Variants in TRIM71 observed in about 807,000 individuals in gnomAD.
TRIM71 encodes the protein tripartite motif containing 71.
TRIM71 carries 9 observed loss-of-function variants against 61.2 expected under a neutral mutation model. The observed-to-expected ratio is 0.15, with a 90% CI of 0.09 to 0.26. The LOEUF (loss-of-function observed/expected upper bound fraction) is 0.26. TRIM71 is among the 10% of genes least tolerant of loss of function. The pLI is 1.00. For missense variants in TRIM71, 998 were observed against 1,238.7 expected (o/e 0.81, Z 2.92); for synonymous variants, 645 against 553.2 (o/e 1.17, Z -2.33).
At position 32,872,071 on chromosome 3, in the gene TRIM71, C is replaced by T. The variant is rs539284850; in HGVS notation, c.853-1747C>T. ...CTAAGGCAGGAGAATGGCATGAACT[C>T]GGGAGGCAGAGCTTGCAGTGAGCCG... On this transcript the variant is annotated intron_variant, in intron 1 of 3. Coordinates refer to ENST00000383763, the MANE Select transcript of TRIM71 (RefSeq NM_001039111.3). 5.9e-5 allele frequency among the ~76,000 whole-genome samples: 9 copies of T among 152,182 alleles called. No individual in the cohort carries two copies. The South Asian group carries it at 1.2e-3, about 21-fold the overall frequency.
At chr3:32,827,795 G>C (rs1696221612) in intron 1 of TRIM71, among the ~76,000 whole-genome samples, 1 of 152,156 alleles carries the variant, frequency 6.6e-6, no homozygotes, top group Non-Finnish European at 1.5e-5. Context: ...AGGCGCCTCT[G>C]AGAATGAGAG....
At chr3:32,875,566 C>T (rs1293998965) in intron 2 of TRIM71, among the ~76,000 whole-genome samples, 1 of 152,202 alleles carries the variant, frequency 6.6e-6, no homozygotes, top group Non-Finnish European at 1.5e-5. Flanking sequence ...TGGCCAGGTT[C>T]AGTGGCTCAC....
Position 32,890,950 on chromosome 3 carries a change from A to G in TRIM71, c.1746A>G (p.Ser582=), listed in dbSNP as rs1227866648. ...ENSPFKVVVK[S]GRSYVGIGLP... The stretch of plus-strand genomic sequence containing the variant: ...GCCCTTTCAAGGTGGTGGTCAAGTC[A>G]GGCCGCAGCTACGTGGGCATTGGGC... The change falls in exon 4 of 4, where the codon TCA becomes TCG. Residue 582 remains serine (S), a synonymous_variant. Coordinates refer to ENST00000383763, the MANE Select transcript of TRIM71 (RefSeq NM_001039111.3). This position sits in a 1 kb window ranked among gnomAD's most constrained non-coding sequence, Gnocchi z 6.2. The G allele has an allele frequency of 6.2e-7, 1 of 1,614,188 alleles. No homozygotes were observed. The highest frequency in any genetic ancestry group is 2.2e-5 in the East Asian group (1 of 44,874).
intron 2 of TRIM71, among the ~76,000 whole-genome samples, chr3:32,874,367 T>TACA (rs1553646510): frequency 0.11 from 12,328 of 110,386 alleles, 559 homozygotes; most frequent in Middle Eastern, 0.18. Flanking sequence ...CTACTACTAC[T>TACA]ACAACATATT....
intron 2 of TRIM71, among the ~76,000 whole-genome samples, chr3:32,884,426 A>G (rs933131434): frequency 1.3e-5 from 2 of 151,948 alleles, no homozygotes; most frequent in Admixed American, 1.3e-4. Context: ...GGCCAGGCGC[A>G]GTGGCTCATG....
chr3:32,879,754 C>T (rs2125690563), intron 2 of TRIM71, among the ~76,000 whole-genome samples: 1 of 151,474 alleles, frequency 6.6e-6, no homozygotes, highest in South Asian at 2.1e-4. Context: ...GGGAGGATCA[C>T]TTGAGCTCAG....
At chr3:32,867,447 G>A (rs1319851818) in intron 1 of TRIM71, among the ~76,000 whole-genome samples, 1 of 152,100 alleles carries the variant, frequency 6.6e-6, no homozygotes, top group African/African-American at 2.4e-5. Flanking sequence ...GTGTATGTGT[G>A]TATATATACA....
intron 1 of TRIM71, among the ~76,000 whole-genome samples, chr3:32,855,140 A>G (rs1172067147): frequency 6.6e-6 from 1 of 152,240 alleles, no homozygotes; most frequent in African/African-American, 2.4e-5. Flanking sequence ...AGGGTTTGGT[A>G]CTATCCGTGC....
intron 1 of TRIM71, among the ~76,000 whole-genome samples, chr3:32,858,529 ATGGAGT>A (rs963548853): frequency 1.3e-5 from 2 of 152,162 alleles, no homozygotes; most frequent in Admixed American, 1.3e-4. Flanking sequence ...TCTAAAACAG[ATGGAGT>A]TGGAGGCCCA....
chr3:32,882,706 C>G (rs1325000017), intron 2 of TRIM71, among the ~76,000 whole-genome samples: 1 of 152,090 alleles, frequency 6.6e-6, no homozygotes, highest in African/African-American at 2.4e-5. Context: ...GCCACCATGC[C>G]TGGCTAATTT....
chr3:32,846,414 G>A (rs1306956515), intron 1 of TRIM71, among the ~76,000 whole-genome samples: 1 of 152,132 alleles, frequency 6.6e-6, no homozygotes, highest in Non-Finnish European at 1.5e-5. Context: ...AACTGTATAT[G>A]TTTAGGGGGT....
intron 1 of TRIM71, among the ~76,000 whole-genome samples, chr3:32,844,580 A>G (rs1380687736): frequency 6.6e-6 from 1 of 152,112 alleles, no homozygotes; most frequent in Non-Finnish European, 1.5e-5. Flanking sequence ...AAAATTTTGT[A>G]GAGAGCGTCT....
intron 1 of TRIM71, among the ~76,000 whole-genome samples, chr3:32,824,356 TC>T (rs1696176421): frequency 1.3e-5 from 2 of 151,546 alleles, no homozygotes; most frequent in Non-Finnish European, 2.9e-5. Context: ...TTTTTTTCTT[TC>T]TTTTTTTTTT....
chr3:32,833,678 T>TTTA (rs1559538661), intron 1 of TRIM71, among the ~76,000 whole-genome samples: 11 of 134,472 alleles, frequency 8.2e-5, no homozygotes, highest in East Asian at 2.3e-4. Context: ...TTATTTATTT[T>TTTA]ATTTTTGGCT....
chr3:32,856,345 T>C (rs1696604183), intron 1 of TRIM71, among the ~76,000 whole-genome samples: 1 of 152,122 alleles, frequency 6.6e-6, no homozygotes, highest in Admixed American at 6.5e-5. Context: ...CCTGGAACTT[T>C]CACCGCTCCC....
chr3:32,872,334 C>G (rs1199522235), intron 1 of TRIM71, among the ~76,000 whole-genome samples: 1 of 152,002 alleles, frequency 6.6e-6, no homozygotes, highest in South Asian at 2.1e-4. Flanking sequence ...CAATTAGCCC[C>G]GAGTGGAGTA....
intron 1 of TRIM71, among the ~76,000 whole-genome samples, chr3:32,865,392 G>A (rs1273475258): frequency 1.3e-5 from 2 of 152,070 alleles, no homozygotes; most frequent in Admixed American, 6.6e-5. Flanking sequence ...CCTGCGGAGG[G>A]TCAGAATCAC....
intron 1 of TRIM71, among the ~76,000 whole-genome samples, chr3:32,858,107 GCTGT>G (rs999298945): frequency 6.6e-6 from 1 of 152,178 alleles, no homozygotes; most frequent in Non-Finnish European, 1.5e-5. Flanking sequence ...GTTTAGTCTT[GCTGT>G]CTTAGGGGTG....
At chr3:32,846,021 T>G (rs1696469951) in intron 1 of TRIM71, among the ~76,000 whole-genome samples, 1 of 151,528 alleles carries the variant, frequency 6.6e-6, no homozygotes, top group African/African-American at 2.4e-5. Flanking sequence ...GCTCACTAGC[T>G]TGTGCATTTA....
Sources: gnomAD v4.1 joint callset for allele counts (sites outside exome capture counted in the v4.1 genomes callset) on GRCh38, gnomAD v4.1.1 for gene constraint, Gnocchi (gnomAD v3.1) non-coding constraint, MANE v1.5 for transcripts, NCBI Gene and HGNC (gene_info 2026-07-23, HGNC 2026-07-21) for gene names.